Variants in DST observed in about 807,000 individuals in gnomAD.
DST encodes the protein bullous pemphigoid antigen.
Under a neutral mutation model 875.2 loss-of-function variants are expected in DST, and 253 were observed. The observed-to-expected ratio is 0.29, with a 90% confidence interval of 0.26 to 0.32. DST has a LOEUF of 0.32. Among genes scored for constraint, DST ranks in the 10% least tolerant of loss-of-function variants. DST has a pLI of 1.00. For synonymous variants in DST, 3,124 were observed against 3,197.1 expected, an observed-to-expected ratio of 0.98 and a Z score of 0.77; for missense variants, 8,287 against 9,111.6, an observed-to-expected ratio of 0.91 and a Z score of 3.68.
At chr6:56,721,692 G>GGAAA (rs2099417322) in intron 5 of DST, among the ~76,000 whole-genome samples, 1 of 152,164 alleles carries the variant, frequency 6.6e-6, no homozygotes, top group Non-Finnish European at 1.5e-5. Flanking sequence ...AAATCAAAGA[G>GGAAA]GAAAGCTCAT....
chr6:56,832,965 C>CCA (rs2099789053), intron 4 of DST, among the ~76,000 whole-genome samples: 1 of 152,210 alleles, frequency 6.6e-6, no homozygotes, highest in Non-Finnish European at 1.5e-5. Flanking sequence ...TCTCGAACTA[C>CCA]TGACCTCAGG....
chr6:56,619,686 C>A lies in DST; in HGVS notation c.4929+4844G>T, dbSNP rs746324175. 3.1e-6 allele frequency: 5 copies of A among 1,613,802 alleles called. No homozygotes were observed. In the African/African-American group the frequency reaches 6.7e-5, roughly 22 times the overall value. On this transcript the variant is annotated intron_variant, in intron 36 of 103. Transcript: ENST00000680361. ...TCTTGCATGGCTTCTTCAGCTTTAC[C>A]TGTGGTTTGATTCAATTGCCTACCA... is the stretch of plus-strand genomic sequence containing the variant.
intron 59 of DST, among the ~76,000 whole-genome samples, chr6:56,556,298 T>C (rs1384936231): frequency 1.3e-5 from 2 of 152,202 alleles, no homozygotes; most frequent in East Asian, 3.8e-4. Flanking sequence ...GCAAAGGTTT[T>C]TGTAACATAA....
chr6:56,641,542 C>T (rs898038066), intron 17 of DST, among the ~76,000 whole-genome samples: 7 of 151,020 alleles, frequency 4.6e-5, no homozygotes, highest in African/African-American at 1.7e-4. Context: ...GAGCCGAGAT[C>T]ACACCACTGC....
At chr6:56,550,023 C>A (rs1444157135) in intron 61 of DST, among the ~76,000 whole-genome samples, 2 of 152,074 alleles carry the variant, frequency 1.3e-5, no homozygotes, top group Non-Finnish European at 1.5e-5. Context: ...TGACTGTTAA[C>A]AGGATTAAAG....
chr6:56,702,240 T>C (rs969949077), intron 7 of DST, among the ~76,000 whole-genome samples: 1 of 152,158 alleles, frequency 6.6e-6, no homozygotes, highest in Non-Finnish European at 1.5e-5. Flanking sequence ...TTACAGAATA[T>C]ACAGACACTT....
intron 5 of DST, chr6:56,735,015 A>G: frequency 2.1e-6 from 1 of 472,534 alleles, no homozygotes; most frequent in South Asian, 3.0e-5. Flanking sequence ...GAATGCACTG[A>G]AATCACTGGG....
intron 3 of DST, among the ~76,000 whole-genome samples, chr6:56,869,641 T>C (rs1776015691): frequency 6.6e-6 from 1 of 152,148 alleles, no homozygotes; most frequent in Non-Finnish European, 1.5e-5. Context: ...GTGTATTTTA[T>C]GGCCCAAGTT....
At chr6:56,778,001 C>A (rs1157085147) in intron 4 of DST, among the ~76,000 whole-genome samples, 6 of 152,066 alleles carry the variant, frequency 3.9e-5, no homozygotes, top group Non-Finnish European at 5.9e-5. Flanking sequence ...CTGCCCCCGG[C>A]CTGTAAGGAG....
chr6:56,782,209 C>A (rs1431856938), intron 4 of DST, among the ~76,000 whole-genome samples: 2 of 152,124 alleles, frequency 1.3e-5, no homozygotes, highest in Admixed American at 1.3e-4. Flanking sequence ...CTCTGCCCGG[C>A]TTTGGGATCA....
chr6:56,628,425 A>T (rs1325291328), intron 32 of DST, among the ~76,000 whole-genome samples: 1 of 152,240 alleles, frequency 6.6e-6, no homozygotes, highest in Non-Finnish European at 1.5e-5. Context: ...AGCTAAACTT[A>T]AAAAGCAAGA....
intron 2 of DST, among the ~76,000 whole-genome samples, chr6:56,912,709 C>T (rs1380285017): frequency 1.3e-5 from 2 of 152,206 alleles, no homozygotes; most frequent in African/African-American, 4.8e-5. Context: ...CAGGCACCTT[C>T]CATCTATGGC....
In DST at chr6:56,954,695, C is replaced by T; in HGVS notation, c.-108G>A. 2 of 676,714 alleles carry T rather than the reference C, an allele frequency of 3.0e-6. No homozygotes were observed. Among genetic ancestry groups the T allele is most frequent in the Middle Eastern group, 7.7e-4 (1 of 1,296 alleles). The allele number at this position is 676,714 out of a possible 1,614,324, so 41.9% of individuals were successfully genotyped here. ...GCGGGCACGGGTGAGCGCGGCTCAG[C>T]GCGTCATGCCTGGCGCTCGCGGCCC... On this transcript the variant is annotated 5_prime_UTR_variant, in exon 1 of 104. Coordinates refer to ENST00000680361, the MANE Select transcript of DST (RefSeq NM_001374736.1).
chr6:56,611,536 G>A lies in DST; in HGVS notation c.5119C>T (p.Gln1707Ter). Reference sequence around the variant, plus strand: ...TCTCCATGTTTTGCCAAAAAAAGCTGTATAGTTTGAAGTGCTTCCGATAAT... The same window carrying A: ...TCTCCATGTTTTGCCAAAAAAAGCTATATAGTTTGAAGTGCTTCCGATAAT... ...EQLSEALQTI[Q>*]LFLAKHGDKM... The change falls in exon 38 of 104, where the codon CAG (glutamine) becomes TAG (stop). Residue 1707 changes from glutamine to a stop codon, truncating the protein, a stop_gained. Coordinates refer to ENST00000680361, the MANE Select transcript of DST (RefSeq NM_001374736.1). LOFTEE classifies it high-confidence loss of function. 1 of 1,612,778 alleles carries A rather than the reference G, an allele frequency of 6.2e-7. No individual in the cohort carries two copies. The highest frequency in any genetic ancestry group is 8.5e-7 in the Non-Finnish European group (1 of 1,179,260).
intron 4 of DST, among the ~76,000 whole-genome samples, chr6:56,780,041 C>G (rs569229255): frequency 1.3e-5 from 2 of 151,602 alleles, no homozygotes; most frequent in South Asian, 4.2e-4. Flanking sequence ...CATGTCCCTA[C>G]AAAGGACATG....
chr6:56,821,637 G>T (rs898578467), intron 4 of DST, among the ~76,000 whole-genome samples: 7 of 152,152 alleles, frequency 4.6e-5, no homozygotes, highest in Admixed American at 1.3e-4. Context: ...TTATGATTCT[G>T]CCCTATTATC....
intron 9 of DST, among the ~76,000 whole-genome samples, chr6:56,681,679 T>A (rs1257267468): frequency 1.3e-5 from 2 of 152,216 alleles, no homozygotes. Context: ...AATGTCTTAT[T>A]TGCCTTAGTG....
In DST at chr6:56,619,829, T is replaced by G. The variant is rs773861193; in HGVS notation, c.4929+4701A>C. On this transcript the variant is annotated intron_variant, in intron 36 of 103. Coordinates refer to ENST00000680361, the MANE Select transcript of DST (RefSeq NM_001374736.1). ...TAGTTTATCTTTTAGCAAACGAGCC[T>G]TTTCCTCAGATGACGTTTTTTCAAG... 4 of 1,614,190 alleles carry G rather than the reference T, an allele frequency of 2.5e-6. No homozygotes were observed. The highest frequency in any genetic ancestry group is 3.4e-6 in the Non-Finnish European group (4 of 1,180,030).
In DST at chr6:56,487,271, C is replaced by A; in HGVS notation, c.20880G>T (p.Glu6960Asp). 6.4e-7 allele frequency: 1 copy of A among 1,550,758 alleles called. No individual in the cohort carries two copies. The highest frequency in any genetic ancestry group is 8.7e-7 in the Non-Finnish European group (1 of 1,148,500). ...KIKTQLAQHK[E>D]FQKSLGAKHS... is the part of the protein sequence containing the mutation. ...GCTTGGCTCCGAGTGATTTCTGAAA[C>A]TCCTAAATATTTAACAAGAAAAAAA... is the stretch of plus-strand genomic sequence containing the variant. The change falls in exon 87 of 104, where the codon GAG (glutamate) becomes GAT (aspartate). Residue 6960 changes from glutamate to aspartate, a missense_variant and splice_region_variant. Coordinates refer to ENST00000680361, the MANE Select transcript of DST (RefSeq NM_001374736.1).
Sources: gnomAD v4.1 joint callset for allele counts (sites outside exome capture counted in the v4.1 genomes callset) on GRCh38, gnomAD v4.1.1 for gene constraint, MANE v1.5 for transcripts, NCBI Gene and HGNC (gene_info 2026-07-23, HGNC 2026-07-21) for gene names.